SNTG2: variants seen among roughly 807,000 people sequenced by gnomAD.
SNTG2 encodes the protein syntrophin gamma 2.
A neutral mutation model predicts 70.9 loss-of-function variants in SNTG2; 74 were observed. That is an observed-to-expected ratio of 1.04 (90% confidence interval 0.86 to 1.27). SNTG2 has a LOEUF of 1.27. SNTG2 is among the 50% of genes most tolerant of loss of function. The probability of loss-of-function intolerance (pLI) is 0.00; values close to 1 mark genes in which losing one functional copy is unlikely to be tolerated. For synonymous variants in SNTG2, 278 were observed against 273.8 expected (o/e 1.02, Z -0.15); for missense variants, 717 against 690.7 (o/e 1.04, Z -0.43).
intron 8 of SNTG2, among the ~76,000 whole-genome samples, chr2:1,205,997 T>A (rs1043207779): frequency 6.6e-6 from 1 of 152,200 alleles, no homozygotes; most frequent in Non-Finnish European, 1.5e-5. Context: ...TGGTTTCCAC[T>A]GCCATGGATA....
chr2:1,103,425 C>G (rs1418965750), intron 4 of SNTG2: 1 of 268,114 alleles, frequency 3.7e-6, no homozygotes, highest in African/African-American at 2.4e-5. Flanking sequence ...GCTCTGTCGC[C>G]CAGGCTGGAG....
Position 1,061,372 on chromosome 2 carries a change from C to A in SNTG2, c.73-22146C>A, listed in dbSNP as rs557811302. Among the ~76,000 whole-genome samples, 4 of 152,342 alleles carry A rather than the reference C, an allele frequency of 2.6e-5. No individual in the cohort carries two copies. The East Asian group carries it at 7.7e-4, about 29-fold the overall frequency. ...GATCATGATCAATGGGGTCACATTT[C>A]TGCACAACTTGTGTGCAGAAGTGCT... On this transcript the variant is annotated intron_variant, in intron 1 of 16. Coordinates refer to ENST00000308624, the MANE Select transcript of SNTG2 (RefSeq NM_018968.4).
At chr2:1,225,316 T>G (rs1236611655) in intron 9 of SNTG2, among the ~76,000 whole-genome samples, 2 of 152,222 alleles carry the variant, frequency 1.3e-5, no homozygotes, top group Middle Eastern at 3.2e-3. Context: ...TATCCTCGTT[T>G]TAAATGCAGT....
At chr2:982,780 A>G (rs1203968346) in intron 1 of SNTG2, among the ~76,000 whole-genome samples, 1 of 152,206 alleles carries the variant, frequency 6.6e-6, no homozygotes, top group Admixed American at 6.5e-5. Context: ...CCCTCATTCA[A>G]CACTGATTGT....
chr2:1,000,728 A>C (rs1659344535), intron 1 of SNTG2, among the ~76,000 whole-genome samples: 2 of 151,868 alleles, frequency 1.3e-5, no homozygotes, highest in African/African-American at 4.8e-5. Flanking sequence ...AACTATTTTA[A>C]AAAATGAGGA....
intron 1 of SNTG2, among the ~76,000 whole-genome samples, chr2:1,063,581 G>A (rs1662962807): frequency 6.6e-6 from 1 of 152,174 alleles, no homozygotes; most frequent in Non-Finnish European, 1.5e-5. Flanking sequence ...AAATAACTAT[G>A]ACCCACATGT....
At position 1,300,525 on chromosome 2, in the gene SNTG2, G is replaced by A. The variant is rs1387475245; in HGVS notation, c.1285-7969G>A. On this transcript the variant is annotated intron_variant, in intron 14 of 16. Transcript: ENST00000308624. Reference sequence around the variant, plus strand: ...CATTGATCAGAACCTCACCTGGGCCGTGCCGGCCCCTGCTTGTAAGGTGGC... The same window carrying A: ...CATTGATCAGAACCTCACCTGGGCCATGCCGGCCCCTGCTTGTAAGGTGGC... Among the ~76,000 whole-genome samples, 8 of 152,260 alleles carry A rather than the reference G, an allele frequency of 5.3e-5. No individual in the cohort carries two copies. In the East Asian group the frequency reaches 1.2e-3, roughly 22 times the overall value.
At chr2:965,487 C>T (rs1660523769) in intron 1 of SNTG2, among the ~76,000 whole-genome samples, 1 of 151,206 alleles carries the variant, frequency 6.6e-6, no homozygotes, top group African/African-American at 2.4e-5. Flanking sequence ...TGGTCCTCCT[C>T]CTTGATCCTC....
At chr2:1,216,244 A>C (rs573101747) in intron 9 of SNTG2, among the ~76,000 whole-genome samples, 3 of 152,142 alleles carry the variant, frequency 2.0e-5, no homozygotes, top group Admixed American at 6.5e-5. Flanking sequence ...AATGATTGCC[A>C]TTCTAACTGG....
chr2:961,165 A>C (rs1013431167), intron 1 of SNTG2, among the ~76,000 whole-genome samples: 1 of 152,210 alleles, frequency 6.6e-6, no homozygotes, highest in Admixed American at 6.5e-5. Context: ...ATATGTTATC[A>C]CCCCTGGGAG....
chr2:1,118,037 C>T (rs900405448), intron 4 of SNTG2, among the ~76,000 whole-genome samples: 17 of 151,934 alleles, frequency 1.1e-4, no homozygotes, highest in Non-Finnish European at 1.9e-4. Context: ...AAAACCTGGC[C>T]CCCCAGGTCT....
chr2:1,244,557 G>C (rs952481438), intron 11 of SNTG2, among the ~76,000 whole-genome samples: 1 of 152,082 alleles, frequency 6.6e-6, no homozygotes, highest in East Asian at 1.9e-4. Flanking sequence ...TTAGCAGGGC[G>C]TGGTGGCGGG....
intron 1 of SNTG2, among the ~76,000 whole-genome samples, chr2:989,026 A>C (rs867940251): frequency 1.3e-5 from 2 of 152,106 alleles, no homozygotes; most frequent in African/African-American, 4.8e-5. Flanking sequence ...TCAGTTTTCA[A>C]ATATTTCCTA....
intron 4 of SNTG2, among the ~76,000 whole-genome samples, chr2:1,100,960 C>CG (rs1665748439): frequency 6.6e-6 from 1 of 151,974 alleles, no homozygotes; most frequent in South Asian, 2.1e-4. Flanking sequence ...GCCCGTGTGC[C>CG]CTCCCGAGCC....
intron 1 of SNTG2, among the ~76,000 whole-genome samples, chr2:1,002,423 A>T (rs1659426055): frequency 6.6e-6 from 1 of 152,062 alleles, no homozygotes; most frequent in African/African-American, 2.4e-5. Flanking sequence ...AACCACTTAA[A>T]AGTAGGCAAA....
chr2:1,244,251 A>G (rs1309647943), intron 11 of SNTG2, among the ~76,000 whole-genome samples: 1 of 152,204 alleles, frequency 6.6e-6, no homozygotes, highest in Admixed American at 6.5e-5. Context: ...TGTGTTCGCC[A>G]TTCGCTCGTT....
intron 12 of SNTG2, among the ~76,000 whole-genome samples, chr2:1,255,732 G>A (rs924917875): frequency 1.3e-5 from 2 of 149,410 alleles, no homozygotes; most frequent in African/African-American, 4.9e-5. Flanking sequence ...CTGCATCATG[G>A]GCTATGCACA....
chr2:996,151 GTGTCA>G (rs1661675317), intron 1 of SNTG2, among the ~76,000 whole-genome samples: 1 of 152,206 alleles, frequency 6.6e-6, no homozygotes, highest in East Asian at 1.9e-4. Flanking sequence ...GGTGGCCTGA[GTGTCA>G]TGGAGGAGTT....
At chr2:996,067 C>G (rs1186119142) in intron 1 of SNTG2, among the ~76,000 whole-genome samples, 2 of 152,100 alleles carry the variant, frequency 1.3e-5, no homozygotes, top group African/African-American at 4.8e-5. Context: ...TATTGTCTTT[C>G]TTAACCTCTA....
Sources: gnomAD v4.1 joint callset for allele counts (sites outside exome capture counted in the v4.1 genomes callset) on GRCh38, gnomAD v4.1.1 for gene constraint, MANE v1.5 for transcripts, NCBI Gene and HGNC (gene_info 2026-07-23, HGNC 2026-07-21) for gene names.